The following RFX3 variants were observed in gnomAD, a reference collection of about 807,000 sequenced individuals.
The protein encoded by RFX3 is regulatory factor X3.
RFX3 carries 14 observed loss-of-function variants against 98.6 expected under a neutral mutation model. The ratio of observed to expected loss-of-function variants is 0.14; its 90% CI spans 0.09 to 0.22. The LOEUF (loss-of-function observed/expected upper bound fraction) is 0.22. Among genes scored for constraint, RFX3 ranks in the 10% least tolerant of loss-of-function variants. The pLI, the probability that RFX3 is intolerant of heterozygous loss-of-function variation, is 1.00. For synonymous variants in RFX3, 383 were observed against 328.4 expected (o/e 1.17, Z -1.80); for missense variants, 639 against 926.9 (o/e 0.69, Z 4.03).
intron 2 of RFX3, among the ~76,000 whole-genome samples, chr9:3,353,209 A>C (rs1171494832): frequency 1.5e-5 from 1 of 66,072 alleles, no homozygotes; most frequent in East Asian, 4.6e-4. Flanking sequence ...GGGTAGGGGG[A>C]GGGGGGAGGG....
At chr9:3,435,033 CATAAGAGATAAAAAATGG>C (rs1278023835) in intron 1 of RFX3, among the ~76,000 whole-genome samples, 1 of 151,408 alleles carries the variant, frequency 6.6e-6, no homozygotes, top group Non-Finnish European at 1.5e-5. Context: ...AAAAATATGG[CATAAGAGATAAAAAATGG>C]TATATTTGTA....
At chr9:3,501,854 G>A (rs1816050005) in intron 1 of RFX3, among the ~76,000 whole-genome samples, 1 of 151,624 alleles carries the variant, frequency 6.6e-6, no homozygotes, top group Admixed American at 6.6e-5. Flanking sequence ...ACCGTGCCCT[G>A]CCCAAAGAAA....
chr9:3,316,956 T>G (rs1002256735), intron 4 of RFX3, among the ~76,000 whole-genome samples: 1 of 152,178 alleles, frequency 6.6e-6, no homozygotes, highest in Non-Finnish European at 1.5e-5. Context: ...AGGTAATTTA[T>G]AGATTCAATG....
At chr9:3,344,776 C>T (rs1834263130) in intron 3 of RFX3, 1 of 691,464 alleles carries the variant, frequency 1.4e-6, no homozygotes, top group Non-Finnish European at 2.7e-6. Context: ...TCCCTGAGAG[C>T]ATAAAGGTCG....
intron 9 of RFX3, among the ~76,000 whole-genome samples, chr9:3,274,741 G>C (rs17658838): frequency 0.11 from 17,454 of 151,998 alleles, 1,035 homozygotes; most frequent in Middle Eastern, 0.2. Context: ...AAACAGGTCT[G>C]TTGAAAAGTT....
chr9:3,354,330 G>T (rs1480779807), intron 2 of RFX3, among the ~76,000 whole-genome samples: 3 of 151,702 alleles, frequency 2.0e-5, no homozygotes, highest in South Asian at 2.1e-4. Context: ...ATCCACTGAG[G>T]CCAGAAATTT....
chr9:3,488,247 C>A (rs1190522426), intron 1 of RFX3, among the ~76,000 whole-genome samples: 2 of 152,114 alleles, frequency 1.3e-5, no homozygotes, highest in Non-Finnish European at 2.9e-5. Context: ...TTAAGATAAG[C>A]TCATTTCCTA....
chr9:3,525,074 G>C (rs1210636024), intron 1 of RFX3, among the ~76,000 whole-genome samples: 1 of 150,662 alleles, frequency 6.6e-6, no homozygotes, highest in South Asian at 2.1e-4. Context: ...GTTTTAAAAA[G>C]AAAAAAGAAA....
chr9:3,236,072 T>A (rs1379407520), intron 15 of RFX3, among the ~76,000 whole-genome samples: 1 of 152,192 alleles, frequency 6.6e-6, no homozygotes, highest in Non-Finnish European at 1.5e-5. Context: ...ACATAGCAAT[T>A]TTTTCCTCAA....
Position 3,223,980 on chromosome 9 carries a change from T to C in RFX3, c.*1062A>G, listed in dbSNP as rs1010765199. 6.6e-6 allele frequency: 1 copy of C among 152,210 alleles called. No homozygotes were observed. Among genetic ancestry groups the C allele is most frequent in the Non-Finnish European group, 1.5e-5 (1 of 68,040 alleles). 9.4% of individuals were successfully genotyped at this position (152,210 alleles called of 1,614,324 possible). ...GTTTACAATTTAAATCCACATACTT[T>C]AGAAACCAGGAAATAGTTTTGAAGG... On this transcript the variant is annotated 3_prime_UTR_variant, in exon 17 of 17. Transcript: ENST00000617270.
Position 3,524,635 on chromosome 9 carries a change from T to TC in RFX3, c.-9+1111dup, listed in dbSNP as rs1025969968. On this transcript the variant is annotated intron_variant, in intron 1 of 16. Transcript: ENST00000617270. ...TGAGTTCTCACAAAGCTTCCTTGTG[T>TC]CCCTTCCCTGTTCATCACAAAGTCT... is the stretch of plus-strand genomic sequence containing the variant. 1.2e-5 allele frequency: 12 copies of TC among 983,606 alleles called. No individual in the cohort carries two copies. The African/African-American group carries it at 1.7e-4, about 14-fold the overall frequency. 60.9% of individuals were successfully genotyped at this position (983,606 alleles called of 1,614,324 possible).
At chr9:3,492,891 G>A (rs1850825239) in intron 1 of RFX3, among the ~76,000 whole-genome samples, 1 of 152,182 alleles carries the variant, frequency 6.6e-6, no homozygotes, top group Non-Finnish European at 1.5e-5. Flanking sequence ...TAAGTATGGA[G>A]AAATATAGTG....
chr9:3,348,624 C>T (rs1834724352), intron 2 of RFX3, among the ~76,000 whole-genome samples: 1 of 151,936 alleles, frequency 6.6e-6, no homozygotes, highest in East Asian at 1.9e-4. Flanking sequence ...AGGATAAGTA[C>T]ATGATTCTTT....
Position 3,263,053 on chromosome 9 carries a change from A to T in RFX3, c.1487T>A (p.Leu496Gln). The change falls in exon 13 of 17, where the codon CTG becomes CAG. Residue 496 changes from leucine to glutamine, a missense_variant. Around this residue, in one of 9 missense-constraint regions of RFX3, gnomAD observed 138 missense variants for 308.9 expected, o/e 0.45. Coordinates refer to ENST00000617270, the MANE Select transcript of RFX3 (RefSeq NM_001282116.2). ...VAAVSAFAQTLRRYTSLNHLA... is the reference protein window; with the variant it reads ...VAAVSAFAQTQRRYTSLNHLA... The stretch of plus-strand genomic sequence containing the variant: ...GTGATTAAGCGACGTGTATCTTCGC[A>T]GAGTCTGGGCAAAGGCACTTACAGC... The T allele has an allele frequency of 6.2e-7, 1 of 1,613,804 alleles. No homozygotes were observed. Among genetic ancestry groups the T allele is most frequent in the Non-Finnish European group, 8.5e-7 (1 of 1,179,750 alleles).
intron 2 of RFX3, among the ~76,000 whole-genome samples, chr9:3,355,221 C>G (rs879551246): frequency 6.6e-6 from 1 of 151,704 alleles, no homozygotes; most frequent in South Asian, 2.1e-4. Flanking sequence ...TTAAATGCAA[C>G]CATATCAATA....
At chr9:3,424,654 C>G (rs965255161) in intron 1 of RFX3, among the ~76,000 whole-genome samples, 1 of 151,948 alleles carries the variant, frequency 6.6e-6, no homozygotes, top group African/African-American at 2.4e-5. Context: ...GCCACCGCGC[C>G]CGGCCCATAA....
At chr9:3,261,389 C>G (rs557261278) in intron 13 of RFX3, among the ~76,000 whole-genome samples, 2 of 152,210 alleles carry the variant, frequency 1.3e-5, no homozygotes, top group African/African-American at 4.8e-5. Flanking sequence ...CGAATGGAAT[C>G]ATGTCACGTG....
intron 8 of RFX3, 97 bp from the exon 9 acceptor site, chr9:3,275,709 AT>A (rs2131398297): frequency 1.6e-6 from 1 of 636,364 alleles, no homozygotes; most frequent in African/African-American, 1.8e-5. Flanking sequence ...AGAAAAACAA[AT>A]TTTAAAGGTC....
chr9:3,524,988 T>TG (rs539910347), intron 1 of RFX3, among the ~76,000 whole-genome samples: 1,950 of 93,768 alleles, frequency 0.021, 28 homozygotes, highest in African/African-American at 0.046. Context: ...AAGGGGTGTG[T>TG]GGGGGGGGGG....
Sources: allele counts gnomAD v4.1 joint callset (sites outside exome capture counted in the v4.1 genomes callset), GRCh38; gene constraint gnomAD v4.1.1; regional missense constraint gnomAD v4.1.1; transcripts MANE v1.5; gene names NCBI Gene and HGNC (gene_info 2026-07-23, HGNC 2026-07-21).